The following LHPP variants were observed in gnomAD, a reference collection of about 807,000 sequenced individuals.
LHPP encodes hLHPP.
In LHPP, 24 loss-of-function variants were observed where a neutral mutation model predicts 30.3. That is an observed-to-expected ratio of 0.79 (90% CI 0.57 to 1.11). The LOEUF (loss-of-function observed/expected upper bound fraction) is 1.11, where lower values mean the gene tolerates loss of function less well. LHPP is among the 50% of genes most tolerant of loss of function. The pLI, the probability that LHPP is intolerant of heterozygous loss-of-function variation, is 0.00. For missense variants in LHPP, 356 were observed against 367.2 expected, an observed-to-expected ratio of 0.97 and a Z score of 0.25; for synonymous variants, 150 against 157.1, an observed-to-expected ratio of 0.95 and a Z score of 0.34.
In LHPP at chr10:124,495,719, C is replaced by G. The variant is rs1379302881; in HGVS notation, c.468-1242C>G. On this transcript the variant is annotated intron_variant, in intron 3 of 6. Coordinates refer to ENST00000368842, the MANE Select transcript of LHPP (RefSeq NM_022126.4). ...TGTGTTCATTTTTTCCTTCCCCCAG[C>G]TCATCTTATTGCTTGTGTCAGCCTG... is the stretch of plus-strand genomic sequence containing the variant. Among the ~76,000 whole-genome samples the G allele has an allele frequency of 3.9e-5, 6 of 152,044 alleles. No homozygotes were observed. The South Asian group carries it at 1.2e-3, about 32-fold the overall frequency.
At chr10:124,468,867 G>C (rs1952639605) in intron 1 of LHPP, among the ~76,000 whole-genome samples, 1 of 152,086 alleles carries the variant, frequency 6.6e-6, no homozygotes, top group Non-Finnish European at 1.5e-5. Context: ...TGGGGCTCGT[G>C]GCAGATGCCC....
chr10:124,575,324 G>C (rs975949836), intron 6 of LHPP, among the ~76,000 whole-genome samples: 1 of 152,070 alleles, frequency 6.6e-6, no homozygotes, highest in Admixed American at 6.5e-5. Context: ...GGGAGCATCC[G>C]ACAAAACCAA....
At chr10:124,551,089 C>T (rs1397846039) in intron 6 of LHPP, among the ~76,000 whole-genome samples, 1 of 152,238 alleles carries the variant, frequency 6.6e-6, no homozygotes, top group Non-Finnish European at 1.5e-5. Flanking sequence ...TCCCCCAGGC[C>T]TGTCGCCATC....
chr10:124,607,745 C>T (rs906247040), intron 6 of LHPP, among the ~76,000 whole-genome samples: 12 of 152,154 alleles, frequency 7.9e-5, no homozygotes, highest in African/African-American at 2.2e-4. Flanking sequence ...ATTTTTGTTC[C>T]GCTTCGGGCA....
chr10:124,472,397 T>C (rs939236173), intron 1 of LHPP, among the ~76,000 whole-genome samples: 1 of 152,100 alleles, frequency 6.6e-6, no homozygotes, highest in Non-Finnish European at 1.5e-5. Flanking sequence ...GAAGCGAGCT[T>C]ATTAGGAGGG....
chr10:124,554,643 G>T (rs1207024769), intron 6 of LHPP, among the ~76,000 whole-genome samples: 4 of 152,234 alleles, frequency 2.6e-5, no homozygotes, highest in African/African-American at 9.6e-5. Flanking sequence ...CGAGCTGAAG[G>T]GGTGGGCCCA....
In LHPP at chr10:124,545,550, C is replaced by T. The variant is rs369472756; in HGVS notation, c.716+28279C>T. Among the ~76,000 whole-genome samples the T allele has an allele frequency of 5.3e-5, 8 of 152,224 alleles. No individual in the cohort carries two copies. The East Asian group carries it at 1.2e-3, about 22-fold the overall frequency. On this transcript the variant is annotated intron_variant, in intron 6 of 6. Coordinates refer to ENST00000368842, the MANE Select transcript of LHPP (RefSeq NM_022126.4). ...CTCCTGAGCGGCAGGACTATGCAGG[C>T]GCCTTATTGAGCTGTCAGCGGCTGG... is the stretch of plus-strand genomic sequence containing the variant.
chr10:124,564,300 T>G (rs1948453852), intron 6 of LHPP, among the ~76,000 whole-genome samples: 1 of 152,202 alleles, frequency 6.6e-6, no homozygotes, highest in East Asian at 1.9e-4. Context: ...ATTTTTTGTA[T>G]TTTTAGTAGA....
At chr10:124,494,227 C>T (rs552419031) in intron 3 of LHPP, among the ~76,000 whole-genome samples, 39 of 152,254 alleles carry the variant, frequency 2.6e-4, no homozygotes, top group Admixed American at 1.4e-3. Context: ...GAGGAAGTGG[C>T]GCCGCGTGGG....
chr10:124,490,284 T>C (rs1041180887), intron 3 of LHPP: 2 of 206,080 alleles, frequency 9.7e-6, no homozygotes, highest in African/African-American at 4.7e-5. Context: ...CCTGCCAGTC[T>C]CCAGACCGCT....
At chr10:124,577,783 C>T (rs575765191) in intron 6 of LHPP, among the ~76,000 whole-genome samples, 195 of 105,584 alleles carry the variant, frequency 1.8e-3, no homozygotes, top group African/African-American at 5.5e-3. Context: ...TTCCTTGGGG[C>T]TGCCCCTCCT....
chr10:124,482,878 C>T (rs1953185381), intron 1 of LHPP, among the ~76,000 whole-genome samples: 1 of 152,234 alleles, frequency 6.6e-6, no homozygotes, highest in Admixed American at 6.5e-5. Context: ...TGCAGGGTCT[C>T]TTGTTCCTAT....
intron 3 of LHPP, among the ~76,000 whole-genome samples, chr10:124,492,571 G>T (rs1402503582): frequency 6.6e-6 from 1 of 152,162 alleles, no homozygotes; most frequent in African/African-American, 2.4e-5. Flanking sequence ...GGAAGGGAAT[G>T]TACTCTCCTC....
intron 6 of LHPP, among the ~76,000 whole-genome samples, chr10:124,535,855 C>T (rs1381122739): frequency 1.3e-5 from 2 of 152,278 alleles, no homozygotes; most frequent in Non-Finnish European, 2.9e-5. Flanking sequence ...CTGCTTCAGG[C>T]TCCTCAGGCC....
At chr10:124,582,888 A>G (rs1272827316) in intron 6 of LHPP, among the ~76,000 whole-genome samples, 2 of 152,058 alleles carry the variant, frequency 1.3e-5, no homozygotes, top group Non-Finnish European at 2.9e-5. Context: ...TTCATGAAGC[A>G]GAAGTGAATC....
At chr10:124,462,039 G>T (rs1172609919) in intron 1 of LHPP, 52 bp downstream of exon 1, 2 of 1,189,898 alleles carry the variant, frequency 1.7e-6, no homozygotes, top group East Asian at 3.6e-5. Context: ...AGCTCAGCCC[G>T]CTCCCTGGCT....
chr10:124,465,400 A>G (rs1952527049), intron 1 of LHPP, among the ~76,000 whole-genome samples: 1 of 152,196 alleles, frequency 6.6e-6, no homozygotes, highest in Admixed American at 6.5e-5. Flanking sequence ...TCTGATTTAT[A>G]TGTTTTAAAG....
At chr10:124,497,782 T>A (rs1953770335) in intron 4 of LHPP, among the ~76,000 whole-genome samples, 1 of 152,192 alleles carries the variant, frequency 6.6e-6, no homozygotes, top group African/African-American at 2.4e-5. Flanking sequence ...TTGCCAGCTC[T>A]TGGATGCCTT....
At chr10:124,479,809 C>T (rs1238469302) in intron 1 of LHPP, among the ~76,000 whole-genome samples, 1 of 152,254 alleles carries the variant, frequency 6.6e-6, no homozygotes, top group Non-Finnish European at 1.5e-5. Context: ...TCTGGGCTCA[C>T]AGGCCTTGCT....
Sources: gnomAD v4.1 joint callset for allele counts (sites outside exome capture counted in the v4.1 genomes callset) on GRCh38, gnomAD v4.1.1 for gene constraint, MANE v1.5 for transcripts, NCBI Gene and HGNC (gene_info 2026-07-23, HGNC 2026-07-21) for gene names.